The following RAPGEF3 variants were observed in gnomAD, a reference collection of about 807,000 sequenced individuals.
RAPGEF3 encodes Rap guanine nucleotide exchange factor 3.
A neutral mutation model predicts 129.8 loss-of-function variants in RAPGEF3; 103 were observed. The ratio of observed to expected loss-of-function variants is 0.79; its 90% CI spans 0.68 to 0.93. The LOEUF (loss-of-function observed/expected upper bound fraction) is 0.93. Among genes scored for constraint, RAPGEF3 ranks in the 40% least tolerant of loss-of-function variants. RAPGEF3 has a pLI of 0.00. For synonymous variants in RAPGEF3, 436 were observed against 482.6 expected, an observed-to-expected ratio of 0.90 and a Z score of 1.26; for missense variants, 1,117 against 1,207.4, an observed-to-expected ratio of 0.93 and a Z score of 1.11.
intron 2 of RAPGEF3, chr12:47,752,943 G>A (rs770472755): frequency 3.3e-5 from 5 of 152,124 alleles, no homozygotes; most frequent in Non-Finnish European, 7.4e-5. Flanking sequence ...GGGCCTGTAC[G>A]CCCTGGAATA....
intron 16 of RAPGEF3, chr12:47,746,521 C>T (rs1298119014): frequency 6.3e-6 from 4 of 638,744 alleles, no homozygotes; most frequent in South Asian, 5.4e-5. Context: ...GCACTGGCCA[C>T]CAGGAGCCCC....
chr12:47,753,576 G>C (rs965597810), intron 2 of RAPGEF3, among the ~76,000 whole-genome samples: 3 of 152,216 alleles, frequency 2.0e-5, no homozygotes, highest in African/African-American at 7.2e-5. Flanking sequence ...CCGGGTCATG[G>C]GGCCCAGCCC....
rs757282 is a variant in RAPGEF3, at chr12:47,736,795, C to T, written c.*772G>A. ...ACTGTAAAGTCCTATTGGACCACCA[C>T]GGGGAGCTGATGGTCACCCTGGCTG... On this transcript the variant is annotated 3_prime_UTR_variant, in exon 28 of 28. Transcript: ENST00000449771. 0.87 allele frequency: 132,590 copies of T among 152,368 alleles called. 57,809 individuals are homozygous for T. The highest frequency in any genetic ancestry group is 0.97 in the East Asian group (5,025 of 5,156). 9.4% of individuals were successfully genotyped at this position (152,368 alleles called of 1,614,324 possible). A position where few individuals can be genotyped will look rare whatever the true frequency, so the allele number is the denominator to read the frequency against.
At chr12:47,738,327 C>T in intron 25 of RAPGEF3, 80 bp from the exon 26 acceptor site, 2 of 1,561,056 alleles carry the variant, frequency 1.3e-6, no homozygotes, top group Non-Finnish European at 1.7e-6. Context: ...GGAGGCCAAG[C>T]TCCCTCTGAA....
At chr12:47,755,336 A>G (rs1364295393) in intron 2 of RAPGEF3, among the ~76,000 whole-genome samples, 1 of 152,054 alleles carries the variant, frequency 6.6e-6, no homozygotes, top group African/African-American at 2.4e-5. Flanking sequence ...ATAAAGGCAA[A>G]CCTCTTTCAA....
intron 15 of RAPGEF3, 68 bp downstream of exon 15, chr12:47,747,476 C>T (rs1437413510): frequency 2.3e-5 from 35 of 1,513,202 alleles, no homozygotes; most frequent in Non-Finnish European, 3.1e-5. Context: ...GACTCCAGAG[C>T]GTATGCTCTT....
chr12:47,752,023 C>G, intron 2 of RAPGEF3, 54 bp from the exon 3 acceptor site: 4 of 1,578,528 alleles, frequency 2.5e-6, no homozygotes, highest in Non-Finnish European at 3.5e-6. Flanking sequence ...AAGCCCAGCT[C>G]TTGGATACCT....
At position 47,751,818 on chromosome 12, in the gene RAPGEF3, C is replaced by T. The variant is rs1197377877; in HGVS notation, c.285G>A (p.Glu95=). The part of the protein sequence containing the change: ...FSESLEQAST[E]RVLRAGRQLH... ...GCTGCCTCCCAGCCCTGAGCACCCG[C>T]TCTGTGGAGGCCTTAGAGGGAGGAA... is the stretch of plus-strand genomic sequence containing the variant. Residue 95 remains glutamate, a synonymous_variant, in exon 4 of 28, where the codon GAG becomes GAA. Coordinates refer to ENST00000449771, the MANE Select transcript of RAPGEF3 (RefSeq NM_001098531.4). 1.2e-6 allele frequency: 2 copies of T among 1,614,080 alleles called. No homozygotes were observed. Among genetic ancestry groups the T allele is most frequent in the Non-Finnish European group, 1.7e-6 (2 of 1,180,028 alleles).
Position 47,748,462 on chromosome 12 carries a change from T to C in RAPGEF3, c.1235A>G (p.Asp412Gly). The C allele has an allele frequency of 6.2e-7, 1 of 1,613,330 alleles. No individual in the cohort carries two copies. Among genetic ancestry groups the C allele is most frequent in the Non-Finnish European group, 8.5e-7 (1 of 1,179,732 alleles). ...EAMGPDSSAH[D>G]PTETFLSDFL... ...GTGTCTCTTGCCCTTACCTGTTGGG[T>C]CATGAGCACTGGAATCTGGTCCCAT... The change falls in exon 12 of 28, where the codon GAC becomes GGC. Residue 412 changes from aspartate (D) to glycine (G), a missense_variant. Transcript: ENST00000449771.
Position 47,758,028 on chromosome 12 carries a change from A to G in RAPGEF3, c.57T>C (p.Asp19=), listed in dbSNP as rs201883256. Residue 19 remains aspartate (D), a synonymous_variant, in exon 2 of 28, where the codon GAT becomes GAC. Transcript: ENST00000449771. ...SCWQVGLAVE[D]SPALGAPRVG... ...CCCGCGGTGCTCCCAGAGCTGGGCT[A>G]TCCTCCACAGCCAGGCCCACCTGCC... 23 of 1,577,028 alleles carry G rather than the reference A, an allele frequency of 1.5e-5. No individual in the cohort carries two copies. Among genetic ancestry groups the G allele is most frequent in the Non-Finnish European group, 1.9e-5 (22 of 1,161,318 alleles).
rs1180625434 is a variant in RAPGEF3, at chr12:47,749,889, C to G, written c.817+41G>C. On this transcript the variant is annotated intron_variant, in intron 8 of 27. Transcript: ENST00000449771. This position sits in a 1 kb window ranked among gnomAD's most constrained non-coding sequence, Gnocchi z 4.5. ...CCTTCACACATCCTTCTGCCCATGT[C>G]CAGGCCCTGTGCCTGGCTTCTTATG... The G allele has an allele frequency of 1.2e-6, 2 of 1,613,916 alleles. No individual in the cohort carries two copies. The highest frequency in any genetic ancestry group is 1.1e-5 in the South Asian group (1 of 91,088).
At position 47,747,592 on chromosome 12, in the gene RAPGEF3, A is replaced by G; in HGVS notation, c.1508T>C (p.Leu503Pro). The change falls in exon 15 of 28, where the codon CTC (leucine) becomes CCC (proline). Residue 503 changes from leucine (L) to proline (P), a missense_variant. By Grantham distance (98) the Leu-to-Pro change is moderately conservative. This residue lies in a region of RAPGEF3 where 643 missense variants were observed against 673.4 expected (regional missense o/e 0.95). Transcript: ENST00000449771. Reference sequence around the variant, plus strand: ...CCACTGCTCCCTCAGCAGGTTGCTGAGTCGGGTGTCCCTGCCCACCAGGTC... The same window carrying G: ...CCACTGCTCCCTCAGCAGGTTGCTGGGTCGGGTGTCCCTGCCCACCAGGTC... ...LSDLVGRDTRLSNLLREQWPE... is the reference protein window; with the variant it reads ...LSDLVGRDTRPSNLLREQWPE... The G allele has an allele frequency of 1.2e-6, 2 of 1,614,086 alleles. No individual in the cohort carries two copies. The highest frequency in any genetic ancestry group is 1.7e-6 in the Non-Finnish European group (2 of 1,179,950).
intron 2 of RAPGEF3, chr12:47,755,955 T>C (rs1942027775): frequency 6.6e-6 from 1 of 152,150 alleles, no homozygotes. Context: ...CTCTCAAATA[T>C]AGGCATGATG....
rs531603776 is a variant in RAPGEF3, at chr12:47,758,675, A to C, written c.-119T>G. On this transcript the variant is annotated 5_prime_UTR_variant, in exon 1 of 28. Coordinates refer to ENST00000449771, the MANE Select transcript of RAPGEF3 (RefSeq NM_001098531.4). Reference sequence around the variant, plus strand: ...GGTGCCAGTGGGTAAGTCCAGGTACAGTGAACTGGGCCAGTGCCTAGCTGG... The same window carrying C: ...GGTGCCAGTGGGTAAGTCCAGGTACCGTGAACTGGGCCAGTGCCTAGCTGG... The C allele has an allele frequency of 2.6e-6, 4 of 1,521,222 alleles. No individual in the cohort carries two copies. The Admixed American group carries it at 7.7e-5, about 29-fold the overall frequency. The allele number at this position is 1,521,222 out of a possible 1,614,324, so 94.2% of individuals were successfully genotyped here. A position where few individuals can be genotyped will look rare whatever the true frequency, so the allele number is the denominator to read the frequency against.
Position 47,749,120 on chromosome 12 carries a change from A to T in RAPGEF3, c.1042-189T>A. On this transcript the variant is annotated intron_variant, in intron 10 of 27. Transcript: ENST00000449771. This position sits in a 1 kb window ranked among gnomAD's most constrained non-coding sequence, Gnocchi z 4.5. ...CTTCCATGCATCCTGCCTCCCCCAC[A>T]GCCTAGTCCCCCGCCCCCTGCATGC... is the stretch of plus-strand genomic sequence containing the variant. 1.6e-6 allele frequency: 1 copy of T among 621,792 alleles called. No individual in the cohort carries two copies. Among genetic ancestry groups the T allele is most frequent in the Non-Finnish European group, 2.8e-6 (1 of 357,724 alleles). 38.5% of individuals were successfully genotyped at this position (621,792 alleles called of 1,614,324 possible).
At chr12:47,753,759 C>T (rs1174480975) in intron 2 of RAPGEF3, among the ~76,000 whole-genome samples, 1 of 152,218 alleles carries the variant, frequency 6.6e-6, no homozygotes, top group African/African-American at 2.4e-5. Context: ...GGCCCCAGTC[C>T]CTGCCCCAAC....
At position 47,758,698 on chromosome 12, in the gene RAPGEF3, TG is replaced by T; in HGVS notation, c.-143del. 1 of 1,393,344 alleles carries T rather than the reference TG, an allele frequency of 7.2e-7. No individual in the cohort carries two copies. The highest frequency in any genetic ancestry group is 1.6e-5 in the South Asian group (1 of 62,142). The allele number at this position is 1,393,344 out of a possible 1,614,324, so 86.3% of individuals were successfully genotyped here. Reference sequence around the variant, plus strand: ...ACAGTGAACTGGGCCAGTGCCTAGCTGGACTGGCTGCCAGGGCAGCAGGATG... The same window carrying T: ...ACAGTGAACTGGGCCAGTGCCTAGCTGACTGGCTGCCAGGGCAGCAGGATG... On this transcript the variant is annotated 5_prime_UTR_variant, in exon 1 of 28. Coordinates refer to ENST00000449771, the MANE Select transcript of RAPGEF3 (RefSeq NM_001098531.4).
At chr12:47,746,239 C>G in intron 16 of RAPGEF3, 1 of 211,502 alleles carries the variant, frequency 4.7e-6, no homozygotes, top group South Asian at 7.1e-5. Flanking sequence ...GTAAGAGTCT[C>G]CAGCAGGCAG....
chr12:47,754,699 ATGT>A (rs1941950715), intron 2 of RAPGEF3, among the ~76,000 whole-genome samples: 1 of 152,202 alleles, frequency 6.6e-6, no homozygotes, highest in African/African-American at 2.4e-5. Context: ...ACTTGATCAG[ATGT>A]TATTATTTCA....
Sources: gnomAD v4.1 joint callset for allele counts (sites outside exome capture counted in the v4.1 genomes callset) on GRCh38, gnomAD v4.1.1 for gene constraint, gnomAD v4.1.1 regional missense constraint, Gnocchi (gnomAD v3.1) non-coding constraint, MANE v1.5 for transcripts, NCBI Gene and HGNC (gene_info 2026-07-23, HGNC 2026-07-21) for gene names.